Variants in SULF1 observed in about 807,000 individuals in gnomAD.
SULF1 encodes the protein sulfatase 1.
In SULF1, 46 loss-of-function variants were observed where a neutral mutation model predicts 110.5. That is an observed-to-expected ratio of 0.42 (90% CI 0.33 to 0.53). The LOEUF (loss-of-function observed/expected upper bound fraction) is 0.53, where lower values mean the gene tolerates loss of function less well. SULF1 is among the 20% of genes least tolerant of loss of function. The pLI is 0.12. For missense variants in SULF1, 941 were observed against 1,094.2 expected, an observed-to-expected ratio of 0.86 and a Z score of 1.98; for synonymous variants, 371 against 387.1, an observed-to-expected ratio of 0.96 and a Z score of 0.49.
chr8:69,610,353 A>T (rs1314263883), intron 13 of SULF1, among the ~76,000 whole-genome samples: 1 of 152,232 alleles, frequency 6.6e-6, no homozygotes, highest in Non-Finnish European at 1.5e-5. Flanking sequence ...GCAGCAGAGC[A>T]TGAATAATAA....
Position 69,659,732 on chromosome 8 carries a change from T to G in SULF1, c.*1197T>G, listed in dbSNP as rs1812989469. ...ACTTCCACTGCCTGCGTAATGAAGT[T>G]TTGATTCATTTTTAACCACTGGAAT... On this transcript the variant is annotated 3_prime_UTR_variant, in exon 23 of 23. Coordinates refer to ENST00000402687, the MANE Select transcript of SULF1 (RefSeq NM_001128205.2). The G allele has an allele frequency of 6.5e-6, 1 of 153,296 alleles. No individual in the cohort carries two copies. The highest frequency in any genetic ancestry group is 6.5e-5 in the Admixed American group (1 of 15,402). The allele number at this position is 153,296 out of a possible 1,614,324, so 9.5% of individuals were successfully genotyped here. A position where few individuals can be genotyped will look rare whatever the true frequency, so the allele number is the denominator to read the frequency against.
chr8:69,606,041 C>T (rs1808198449), intron 13 of SULF1, among the ~76,000 whole-genome samples: 1 of 152,218 alleles, frequency 6.6e-6, no homozygotes, highest in Non-Finnish European at 1.5e-5. Context: ...TTCACCAACA[C>T]CAGTTCAAGA....
chr8:69,529,696 AG>A (rs1812952138), intron 3 of SULF1, among the ~76,000 whole-genome samples: 1 of 152,182 alleles, frequency 6.6e-6, no homozygotes, highest in Non-Finnish European at 1.5e-5. Flanking sequence ...CAAGGCTGGC[AG>A]GTTGGTGCTG....
At chr8:69,641,426 T>G (rs1266812133) in intron 22 of SULF1, among the ~76,000 whole-genome samples, 1 of 151,956 alleles carries the variant, frequency 6.6e-6, no homozygotes, top group Non-Finnish European at 1.5e-5. Flanking sequence ...GTGCTGGGAG[T>G]TGGGGACAGA....
chr8:69,607,189 C>T (rs1280758024), intron 13 of SULF1, among the ~76,000 whole-genome samples: 1 of 152,248 alleles, frequency 6.6e-6, no homozygotes, highest in African/African-American at 2.4e-5. Context: ...ACAAGTCCTC[C>T]AGGTGACTCT....
In SULF1 at chr8:69,485,824, C is replaced by A. The variant is rs551291457; in HGVS notation, c.-390-9941C>A. 2.0e-5 allele frequency among the ~76,000 whole-genome samples: 3 copies of A among 152,286 alleles called. No homozygotes were observed. The South Asian group carries it at 6.2e-4, about 32-fold the overall frequency. On this transcript the variant is annotated intron_variant, in intron 1 of 22. Coordinates refer to the SULF1 transcript ENST00000260128. Reference sequence around the variant, plus strand: ...AGAGGAGGTGAAAAACTGGATTTGGCACATATTGAATTTCTTGGACCGTGT... The same window carrying A: ...AGAGGAGGTGAAAAACTGGATTTGGAACATATTGAATTTCTTGGACCGTGT...
At chr8:69,603,821 T>C (rs975325561) in intron 12 of SULF1, among the ~76,000 whole-genome samples, 165 bp downstream of exon 12, 12 of 152,188 alleles carry the variant, frequency 7.9e-5, no homozygotes, top group Non-Finnish European at 1.5e-5. Flanking sequence ...GTCAATAGAG[T>C]AATAATTGCT....
chr8:69,584,198 T>A (rs983018771), intron 6 of SULF1, among the ~76,000 whole-genome samples: 1 of 152,100 alleles, frequency 6.6e-6, no homozygotes, highest in Middle Eastern at 3.2e-3. Flanking sequence ...GGAAAGACCC[T>A]CCATCCTGGC....
At chr8:69,561,374 AC>A (rs1815474906) in intron 3 of SULF1, among the ~76,000 whole-genome samples, 1 of 152,188 alleles carries the variant, frequency 6.6e-6, no homozygotes, top group African/African-American at 2.4e-5. Context: ...ATAGGAAAAA[AC>A]CACTCTCTCT....
intron 1 of SULF1, among the ~76,000 whole-genome samples, chr8:69,494,410 TTTA>T (rs1312093263): frequency 6.6e-6 from 1 of 152,220 alleles, no homozygotes; most frequent in Non-Finnish European, 1.5e-5. Flanking sequence ...TTATTCAGTA[TTTA>T]TTAACACACA....
At chr8:69,602,303 C>T (rs376203062) in intron 10 of SULF1, among the ~76,000 whole-genome samples, 13 of 152,344 alleles carry the variant, frequency 8.5e-5, no homozygotes, top group African/African-American at 2.9e-4. Flanking sequence ...ATTTCTGTCA[C>T]TGTAGGCAGG....
intron 3 of SULF1, among the ~76,000 whole-genome samples, chr8:69,503,973 T>C (rs1217413679): frequency 6.6e-6 from 1 of 152,000 alleles, no homozygotes; most frequent in African/African-American, 2.4e-5. Context: ...TTAATTTTTG[T>C]ATTTTTAGTA....
chr8:69,574,914 T>A lies in SULF1; in HGVS notation c.173-1056T>A, dbSNP rs556498433. Among the ~76,000 whole-genome samples, 6 of 152,288 alleles carry A rather than the reference T, an allele frequency of 3.9e-5. No individual in the cohort carries two copies. The South Asian group carries it at 1.2e-3, about 32-fold the overall frequency. Reference sequence around the variant, plus strand: ...TGAAGACACGGGGCTAACTGTGGCTTTTTGGACTGTTGCATGCTTCTCTTC... The same window carrying A: ...TGAAGACACGGGGCTAACTGTGGCTATTTGGACTGTTGCATGCTTCTCTTC... On this transcript the variant is annotated intron_variant, in intron 5 of 22. Coordinates refer to ENST00000402687, the MANE Select transcript of SULF1 (RefSeq NM_001128205.2).
intron 13 of SULF1, among the ~76,000 whole-genome samples, chr8:69,615,319 G>A (rs773698881): frequency 5.9e-5 from 9 of 152,126 alleles, no homozygotes; most frequent in Non-Finnish European, 1.0e-4. Context: ...CACCACTTTA[G>A]TTGTAGCTAT....
chr8:69,647,137 G>GT (rs911317084), intron 22 of SULF1, among the ~76,000 whole-genome samples: 52 of 151,556 alleles, frequency 3.4e-4, no homozygotes, highest in African/African-American at 1.3e-3. Flanking sequence ...TAGAGATGGG[G>GT]TTTCACCATG....
Position 69,659,420 on chromosome 8 carries a change from C to A in SULF1, c.*885C>A. The A allele has an allele frequency of 5.7e-6, 2 of 349,086 alleles. No individual in the cohort carries two copies. Among genetic ancestry groups the A allele is most frequent in the East Asian group, 1.5e-4 (2 of 13,180 alleles). 21.6% of individuals were successfully genotyped at this position (349,086 alleles called of 1,614,324 possible). A position where few individuals can be genotyped will look rare whatever the true frequency, so the allele number is the denominator to read the frequency against. ...CACAGCCACCAACATTCCAAGCTAC[C>A]CTGGGTACCTTTGTGCAGTAGAAGC... On this transcript the variant is annotated 3_prime_UTR_variant, in exon 23 of 23. Coordinates refer to ENST00000402687, the MANE Select transcript of SULF1 (RefSeq NM_001128205.2).
At chr8:69,566,834 A>C (rs866644133) in intron 5 of SULF1, among the ~76,000 whole-genome samples, 1 of 152,204 alleles carries the variant, frequency 6.6e-6, no homozygotes, top group African/African-American at 2.4e-5. Flanking sequence ...TGGGCTACAG[A>C]GCGAGACTCC....
intron 10 of SULF1, among the ~76,000 whole-genome samples, chr8:69,602,859 T>G (rs1399741912): frequency 6.6e-6 from 1 of 152,204 alleles, no homozygotes; most frequent in Non-Finnish European, 1.5e-5. Flanking sequence ...AAGCTCTTGT[T>G]CAACGGAAAA....
At chr8:69,541,632 T>A (rs1454606447) in intron 3 of SULF1, among the ~76,000 whole-genome samples, 1 of 152,204 alleles carries the variant, frequency 6.6e-6, no homozygotes, top group African/African-American at 2.4e-5. Flanking sequence ...AAGTACAGAT[T>A]TCTTGTTCAA....
Sources: allele counts gnomAD v4.1 joint callset (sites outside exome capture counted in the v4.1 genomes callset), GRCh38; gene constraint gnomAD v4.1.1; transcripts MANE v1.5; gene names NCBI Gene and HGNC (gene_info 2026-07-23, HGNC 2026-07-21).